NME7: variants seen among roughly 807,000 people sequenced by gnomAD.
NME7 encodes the protein nucleoside diphosphate kinase 7.
Under a neutral mutation model 49.1 loss-of-function variants are expected in NME7, and 41 were observed. The observed-to-expected ratio is 0.83, with a 90% CI of 0.65 to 1.08. The LOEUF (loss-of-function observed/expected upper bound fraction) is 1.08. Ranked by LOEUF, NME7 falls within the 50% of genes least tolerant of loss-of-function variation. The pLI, the probability that NME7 is intolerant of heterozygous loss-of-function variation, is 0.00. For missense variants in NME7, 423 were observed against 463.4 expected, an observed-to-expected ratio of 0.91 and a Z score of 0.80; for synonymous variants, 139 against 150.6, an observed-to-expected ratio of 0.92 and a Z score of 0.56.
chr1:169,154,282 G>A (rs1206850489), intron 11 of NME7, among the ~76,000 whole-genome samples: 3 of 152,038 alleles, frequency 2.0e-5, no homozygotes, highest in Admixed American at 6.5e-5. Context: ...GAAAGTGTTG[G>A]GATTACAGGT....
At chr1:169,193,839 G>A (rs1660299863) in intron 10 of NME7, among the ~76,000 whole-genome samples, 2 of 151,280 alleles carry the variant, frequency 1.3e-5, no homozygotes, top group African/African-American at 4.9e-5. Context: ...AAAAGAGAGT[G>A]GAAAGAAATA....
chr1:169,205,263 T>C (rs1359183436), intron 10 of NME7, among the ~76,000 whole-genome samples: 1 of 152,164 alleles, frequency 6.6e-6, no homozygotes, highest in East Asian at 1.9e-4. Flanking sequence ...TAATTTGAGC[T>C]TTAGCACCAT....
intron 6 of NME7, among the ~76,000 whole-genome samples, chr1:169,295,951 A>G (rs546646126): frequency 2.6e-5 from 4 of 152,190 alleles, no homozygotes; most frequent in Admixed American, 2.0e-4. Context: ...AGTACCTGAG[A>G]GGCACACCTG....
At chr1:169,289,654 T>C (rs973847960) in intron 6 of NME7, among the ~76,000 whole-genome samples, 1 of 152,136 alleles carries the variant, frequency 6.6e-6, no homozygotes, top group Non-Finnish European at 1.5e-5. Context: ...ATTATTTTTG[T>C]CTCAACTTTC....
At chr1:169,286,084 G>A (rs1453973368) in intron 7 of NME7, 1 of 152,066 alleles carries the variant, frequency 6.6e-6, no homozygotes, top group Non-Finnish European at 1.5e-5. Context: ...TATTAATGAG[G>A]ACTTAACAGC....
In NME7 at chr1:169,347,735, A is replaced by T. The variant is rs952459921; in HGVS notation, c.3+19973T>A. ...CTAGTACTCCTGTGCAAACAGAAAAAGTTGTGCCTTCCTGAGAACACTTTA... is the reference window on the plus strand; with the variant it reads ...CTAGTACTCCTGTGCAAACAGAAAATGTTGTGCCTTCCTGAGAACACTTTA... On this transcript the variant is annotated intron_variant, in intron 1 of 11. Transcript: ENST00000367811. Among the ~76,000 whole-genome samples, 7 of 152,174 alleles carry T rather than the reference A, an allele frequency of 4.6e-5. 1 individual carries two copies. Among genetic ancestry groups the T allele is most frequent in the Admixed American group, 2.0e-4 (3 of 15,274 alleles).
chr1:169,306,551 A>G (rs753940394), intron 4 of NME7, among the ~76,000 whole-genome samples: 1 of 152,220 alleles, frequency 6.6e-6, no homozygotes, highest in Non-Finnish European at 1.5e-5. Context: ...ATATTTATAT[A>G]TCAGGTAGGT....
At chr1:169,340,071 T>G (rs369989284) in intron 1 of NME7, among the ~76,000 whole-genome samples, 2 of 152,198 alleles carry the variant, frequency 1.3e-5, no homozygotes, top group South Asian at 4.1e-4. Flanking sequence ...CATACCTTTG[T>G]AACTAGTCCC....
chr1:169,282,427 GTTTT>G (rs1415461199), intron 7 of NME7, among the ~76,000 whole-genome samples: 1 of 151,966 alleles, frequency 6.6e-6, no homozygotes, highest in African/African-American at 2.4e-5. Context: ...TTTTTGAAGG[GTTTT>G]TTGTGTCTCT....
chr1:169,347,997 A>T (rs1274870411), intron 1 of NME7, among the ~76,000 whole-genome samples: 1 of 152,224 alleles, frequency 6.6e-6, no homozygotes, highest in Non-Finnish European at 1.5e-5. Flanking sequence ...ACTATTCTGC[A>T]TTAGCTACAG....
intron 7 of NME7, among the ~76,000 whole-genome samples, chr1:169,250,243 T>A (rs1648505926): frequency 6.6e-6 from 1 of 152,086 alleles, no homozygotes. Context: ...TCCTCTAGAT[T>A]TTTTAGTTTG....
At position 169,158,550 on chromosome 1, in the gene NME7, G is replaced by T. The variant is rs560506258; in HGVS notation, c.1098+10897C>A. On this transcript the variant is annotated intron_variant, in intron 11 of 11. Transcript: ENST00000367811. ...GGGCTCTACTCTATAGATATAAGGA[G>T]CTCATACCAGACCTCCTTAACCAGA... is the stretch of plus-strand genomic sequence containing the variant. 3.3e-5 allele frequency among the ~76,000 whole-genome samples: 5 copies of T among 152,144 alleles called. 1 individual carries two copies. The highest frequency in any genetic ancestry group is 1.2e-4 in the African/African-American group (5 of 41,490).
intron 10 of NME7, among the ~76,000 whole-genome samples, chr1:169,213,650 AG>A (rs1269459752): frequency 6.6e-6 from 1 of 152,124 alleles, no homozygotes; most frequent in Non-Finnish European, 1.5e-5. Flanking sequence ...CAAATGCTAA[AG>A]GAAGGAAGAG....
chr1:169,320,319 G>T (rs1171635181), intron 3 of NME7, among the ~76,000 whole-genome samples: 1 of 152,120 alleles, frequency 6.6e-6, no homozygotes, highest in Non-Finnish European at 1.5e-5. Context: ...CAGTCAAAGG[G>T]AATTGGAAAG....
In NME7 at chr1:169,323,812, A is replaced by T. The variant is rs1040956739; in HGVS notation, c.112-529T>A. Among the ~76,000 whole-genome samples, 21 of 151,258 alleles carry T rather than the reference A, an allele frequency of 1.4e-4. 1 individual carries two copies. The highest frequency in any genetic ancestry group is 4.0e-4 in the Admixed American group (6 of 15,160). On this transcript the variant is annotated intron_variant, in intron 2 of 11. Transcript: ENST00000367811. ...AATCACTTGTTTATTTCTTATCCAA[A>T]ACATGAATAATCCCATTTCAGTCTT...
At chr1:169,277,174 G>A (rs1260049600) in intron 7 of NME7, among the ~76,000 whole-genome samples, 3 of 149,918 alleles carry the variant, frequency 2.0e-5, no homozygotes, top group East Asian at 4.1e-4. Context: ...TTGATTTGGG[G>A]TGGAGAGTTC....
intron 7 of NME7, among the ~76,000 whole-genome samples, chr1:169,256,067 T>G (rs1648917580): frequency 7.5e-6 from 1 of 132,816 alleles, no homozygotes; most frequent in Non-Finnish European, 1.8e-5. Flanking sequence ...TCGAGGAGTA[T>G]CTTTGTGGCA....
intron 1 of NME7, among the ~76,000 whole-genome samples, chr1:169,347,605 G>C (rs1278929221): frequency 7.9e-5 from 12 of 152,114 alleles, no homozygotes; most frequent in Admixed American, 7.9e-4. Flanking sequence ...TCTCTCTCCT[G>C]TGCTCCCTCC....
At chr1:169,240,691 C>T (rs892654966) in intron 7 of NME7, among the ~76,000 whole-genome samples, 2 of 151,480 alleles carry the variant, frequency 1.3e-5, no homozygotes, top group African/African-American at 2.4e-5. Context: ...CTGAGTTATG[C>T]AGATTTTCCA....
Sources: gnomAD v4.1 joint callset for allele counts (sites outside exome capture counted in the v4.1 genomes callset) on GRCh38, gnomAD v4.1.1 for gene constraint, MANE v1.5 for transcripts, NCBI Gene and HGNC (gene_info 2026-07-23, HGNC 2026-07-21) for gene names.